Variants in FBXO16 observed in about 807,000 individuals in gnomAD.
The protein encoded by FBXO16 is F-box only protein 16.
A neutral mutation model predicts 41.0 loss-of-function variants in FBXO16; 31 were observed. That is an observed-to-expected ratio of 0.76 (90% CI 0.57 to 1.02). FBXO16 has a LOEUF of 1.02. Ranked by LOEUF, FBXO16 falls within the 50% of genes least tolerant of loss-of-function variation. The probability of loss-of-function intolerance (pLI) is 0.00; values close to 1 mark genes in which losing one functional copy is unlikely to be tolerated. For synonymous variants in FBXO16, 133 were observed against 117.8 expected, an observed-to-expected ratio of 1.13 and a Z score of -0.84; for missense variants, 361 against 346.2, an observed-to-expected ratio of 1.04 and a Z score of -0.34.
chr8:28,473,484 C>G (rs2130180755), intron 3 of FBXO16, among the ~76,000 whole-genome samples: 1 of 152,204 alleles, frequency 6.6e-6, no homozygotes, highest in South Asian at 2.1e-4. Flanking sequence ...ATAAAGAAGA[C>G]CCCAGATAAT....
chr8:28,462,628 T>C (rs1803155145), intron 4 of FBXO16, among the ~76,000 whole-genome samples: 1 of 152,226 alleles, frequency 6.6e-6, no homozygotes, highest in Non-Finnish European at 1.5e-5. Context: ...GTCACACATA[T>C]ATGAATGCAC....
At chr8:28,465,442 C>T (rs1015021378) in intron 3 of FBXO16, 2 of 448,356 alleles carry the variant, frequency 4.5e-6, no homozygotes, top group African/African-American at 4.1e-5. Context: ...GAGCAACACC[C>T]CATCTGCACA....
At chr8:28,481,098 G>A (rs1283086729) in intron 2 of FBXO16, among the ~76,000 whole-genome samples, 1 of 152,230 alleles carries the variant, frequency 6.6e-6, no homozygotes, top group East Asian at 1.9e-4. Context: ...GGGAGCAGTG[G>A]CAGGGGTGGA....
rs773888558 is a variant in FBXO16, at chr8:28,433,956, A to ATTTT, written c.844-4557_844-4554dup. Among the ~76,000 whole-genome samples, 42 of 118,296 alleles carry ATTTT rather than the reference A, an allele frequency of 3.6e-4. 1 individual carries two copies. Among genetic ancestry groups the ATTTT allele is most frequent in the African/African-American group, 1.2e-3 (34 of 28,158 alleles). The allele number at this position is 118,296 out of a possible 152,430, so 77.6% of individuals were successfully genotyped here. ...ACAGACCTGTGTTTTTCACTCCCTGATTTTTTTTTTTTTTTTTTTTTTGAG... is the reference window on the plus strand; with the variant it reads ...ACAGACCTGTGTTTTTCACTCCCTGATTTTTTTTTTTTTTTTTTTTTTTTTTGAG... On this transcript the variant is annotated intron_variant, in intron 7 of 8. Transcript: ENST00000380254.
chr8:28,438,681 A>G (rs1802720048), intron 7 of FBXO16, among the ~76,000 whole-genome samples: 1 of 152,228 alleles, frequency 6.6e-6, no homozygotes, highest in Non-Finnish European at 1.5e-5. Context: ...TACTAACTCC[A>G]TGTTACACAT....
chr8:28,475,873 T>A (rs1405222710), intron 2 of FBXO16, among the ~76,000 whole-genome samples: 1 of 152,208 alleles, frequency 6.6e-6, no homozygotes, highest in Non-Finnish European at 1.5e-5. Flanking sequence ...AAAGGTCTTT[T>A]TGTTCGATTC....
chr8:28,441,578 A>G (rs1165619965), intron 7 of FBXO16, among the ~76,000 whole-genome samples: 1 of 152,004 alleles, frequency 6.6e-6, no homozygotes. Context: ...TCTACTAAAA[A>G]TACAAAAATT....
Position 28,441,736 on chromosome 8 carries a change from C to CA in FBXO16, c.843+5434dup, listed in dbSNP as rs1177604301. Among the ~76,000 whole-genome samples, 181 of 84,330 alleles carry CA rather than the reference C, an allele frequency of 2.1e-3. 2 individuals carry two copies. Among genetic ancestry groups the CA allele is most frequent in the Admixed American group, 3.6e-3 (26 of 7,126 alleles). The allele number at this position is 84,330 out of a possible 152,430, so 55.3% of individuals were successfully genotyped here. ...GGGCAACAAGAGTGAAACTCCGTCTCAAAAAAAAAAAAAAACTAAAAAAAA... is the reference window on the plus strand; with the variant it reads ...GGGCAACAAGAGTGAAACTCCGTCTCAAAAAAAAAAAAAAAACTAAAAAAAA... On this transcript the variant is annotated intron_variant, in intron 7 of 8. Transcript: ENST00000380254.
chr8:28,451,660 T>C (rs1236674009), intron 6 of FBXO16, among the ~76,000 whole-genome samples: 2 of 151,966 alleles, frequency 1.3e-5, no homozygotes, highest in African/African-American at 2.4e-5. Context: ...GAATGAACCC[T>C]TTGGTGCTGG....
chr8:28,430,932 T>C (rs1305873848), intron 7 of FBXO16, among the ~76,000 whole-genome samples: 3 of 151,996 alleles, frequency 2.0e-5, no homozygotes, highest in Middle Eastern at 3.2e-3. Context: ...GACCGCGCCA[T>C]TGCACTCCAG....
At chr8:28,458,506 C>CTCTCAAT (rs1803072181) in intron 4 of FBXO16, among the ~76,000 whole-genome samples, 1 of 148,856 alleles carries the variant, frequency 6.7e-6, no homozygotes, top group East Asian at 2.0e-4. Flanking sequence ...GGAGAAAAGT[C>CTCTCAAT]TCTCAATTCT....
intron 4 of FBXO16, 88 bp downstream of exon 4, chr8:28,463,524 C>T: frequency 7.6e-7 from 1 of 1,309,988 alleles, no homozygotes; most frequent in Non-Finnish European, 1.1e-6. Context: ...GTGTGTATGC[C>T]TGTGTTTCCC....
At chr8:28,438,400 G>A (rs1054631262) in intron 7 of FBXO16, among the ~76,000 whole-genome samples, 1 of 152,130 alleles carries the variant, frequency 6.6e-6, no homozygotes, top group African/African-American at 2.4e-5. Context: ...AAATGGGGAC[G>A]GTCAAGGAAA....
chr8:28,488,477 T>C (rs960639350), intron 1 of FBXO16, among the ~76,000 whole-genome samples: 1 of 148,690 alleles, frequency 6.7e-6, no homozygotes, highest in African/African-American at 2.5e-5. Context: ...TTTTTTTTTG[T>C]ATTTTTTGTA....
chr8:28,489,422 C>T (rs1373854152), intron 1 of FBXO16, among the ~76,000 whole-genome samples: 2 of 151,120 alleles, frequency 1.3e-5, no homozygotes, highest in African/African-American at 4.9e-5. Flanking sequence ...CGCCTATAAT[C>T]CCCGCATTTT....
intron 1 of FBXO16, among the ~76,000 whole-genome samples, chr8:28,486,383 C>T (rs546138612): frequency 1.4e-4 from 22 of 151,890 alleles, no homozygotes; most frequent in African/African-American, 4.6e-4. Flanking sequence ...AGCCACCAGG[C>T]CCAGCTAATT....
At chr8:28,467,170 G>C (rs1326706221) in intron 3 of FBXO16, among the ~76,000 whole-genome samples, 1 of 152,024 alleles carries the variant, frequency 6.6e-6, no homozygotes, top group Admixed American at 6.6e-5. Context: ...TTGAGACCCA[G>C]GATGATTACG....
At chr8:28,483,205 T>C in intron 2 of FBXO16, 143 bp downstream of exon 2, 1 of 730,694 alleles carries the variant, frequency 1.4e-6, no homozygotes. Context: ...TCAATAAAAG[T>C]TTTGGAATAT....
chr8:28,437,389 A>G (rs1213030496), intron 7 of FBXO16, among the ~76,000 whole-genome samples: 1 of 152,240 alleles, frequency 6.6e-6, no homozygotes, highest in Non-Finnish European at 1.5e-5. Context: ...AAAGACTCCA[A>G]GTAGCGGGCT....
Sources: gnomAD v4.1 joint callset for allele counts (sites outside exome capture counted in the v4.1 genomes callset) on GRCh38, gnomAD v4.1.1 for gene constraint, MANE v1.5 for transcripts, NCBI Gene and HGNC (gene_info 2026-07-23, HGNC 2026-07-21) for gene names.